The following QSER1 variants were observed in gnomAD, a reference collection of about 807,000 sequenced individuals.
The protein encoded by QSER1 is glutamine and serine rich 1.
A neutral mutation model predicts 158.5 loss-of-function variants in QSER1; 49 were observed. The observed-to-expected ratio is 0.31, with a 90% CI of 0.25 to 0.39. QSER1 has a LOEUF of 0.39. Ranked by LOEUF, QSER1 falls within the 10% of genes least tolerant of loss-of-function variation. The pLI is 1.00. For synonymous variants in QSER1, 650 were observed against 715.5 expected, an observed-to-expected ratio of 0.91 and a Z score of 1.46; for missense variants, 1,754 against 2,010.3, an observed-to-expected ratio of 0.87 and a Z score of 2.44.
intron 1 of QSER1, among the ~76,000 whole-genome samples, chr11:32,898,312 C>G (rs1333027463): frequency 6.6e-6 from 1 of 152,148 alleles, no homozygotes; most frequent in African/African-American, 2.4e-5. Context: ...GAAACCCTAT[C>G]TCTACAAAAA....
chr11:32,923,710 C>CTG (rs1590725007), intron 1 of QSER1, among the ~76,000 whole-genome samples: 1 of 151,484 alleles, frequency 6.6e-6, no homozygotes, highest in East Asian at 1.9e-4. Context: ...TGGCTCACAC[C>CTG]TGTAATCCCA....
At chr11:32,898,655 C>T (rs1207434265) in intron 1 of QSER1, among the ~76,000 whole-genome samples, 1 of 152,126 alleles carries the variant, frequency 6.6e-6, no homozygotes, top group African/African-American at 2.4e-5. Context: ...GGTATGAACA[C>T]AGCTTACTGC....
At position 32,907,682 on chromosome 11, in the gene QSER1, T is replaced by G. The variant is rs559696291; in HGVS notation, c.209+14348T>G. Reference sequence around the variant, plus strand: ...ATTCCTTTGTAGCCAAAATAAGAGATAACCATCCAGGGCCCATATAACCAC... The same window carrying G: ...ATTCCTTTGTAGCCAAAATAAGAGAGAACCATCCAGGGCCCATATAACCAC... On this transcript the variant is annotated intron_variant, in intron 1 of 12. Coordinates refer to ENST00000650167, the MANE Select transcript of QSER1 (RefSeq NM_001076786.3). 2.0e-5 allele frequency among the ~76,000 whole-genome samples: 3 copies of G among 152,340 alleles called. No individual in the cohort carries two copies. The South Asian group carries it at 6.2e-4, about 32-fold the overall frequency.
At chr11:32,906,711 C>CCAA (rs968455579) in intron 1 of QSER1, among the ~76,000 whole-genome samples, 1 of 152,070 alleles carries the variant, frequency 6.6e-6, no homozygotes, top group Non-Finnish European at 1.5e-5. Flanking sequence ...CTGCGCCTGG[C>CCAA]CAACAACAAC....
At chr11:32,909,153 C>T (rs1234014914) in intron 1 of QSER1, among the ~76,000 whole-genome samples, 1 of 152,122 alleles carries the variant, frequency 6.6e-6, no homozygotes, top group Non-Finnish European at 1.5e-5. Context: ...GGCAAGACTC[C>T]ATCTCAAAAA....
intron 1 of QSER1, among the ~76,000 whole-genome samples, chr11:32,898,482 T>TCTCA (rs923127515): frequency 7.7e-5 from 11 of 143,052 alleles, no homozygotes; most frequent in East Asian, 2.1e-4. Flanking sequence ...TGAGAACCTG[T>TCTCA]CACACACACA....
intron 10 of QSER1, among the ~76,000 whole-genome samples, chr11:32,971,337 T>G (rs1246696084): frequency 6.6e-6 from 1 of 152,252 alleles, no homozygotes; most frequent in East Asian, 1.9e-4. Flanking sequence ...TTAGTGTGCT[T>G]TCCTATGTTG....
chr11:32,896,471 C>T (rs1851557076), intron 1 of QSER1, among the ~76,000 whole-genome samples: 1 of 152,154 alleles, frequency 6.6e-6, no homozygotes. Flanking sequence ...TCTCCTGCCT[C>T]AGCCTCCTGA....
chr11:32,974,832 T>C (rs917302895), intron 11 of QSER1, among the ~76,000 whole-genome samples: 5 of 152,170 alleles, frequency 3.3e-5, no homozygotes, highest in African/African-American at 1.2e-4. Context: ...CTAGACAATA[T>C]GTATAGTGTG....
At chr11:32,931,535 G>GTCTCC (rs1564933189) in intron 3 of QSER1, among the ~76,000 whole-genome samples, 2 of 151,300 alleles carry the variant, frequency 1.3e-5, no homozygotes, top group African/African-American at 4.9e-5. Flanking sequence ...AACAGAGTAA[G>GTCTCC]ACCCTGTCTC....
At chr11:32,952,156 TA>T (rs1225515898) in intron 4 of QSER1, among the ~76,000 whole-genome samples, 1 of 152,196 alleles carries the variant, frequency 6.6e-6, no homozygotes, top group Non-Finnish European at 1.5e-5. Context: ...ATTTTCTATA[TA>T]CAAGATCATA....
Position 32,979,774 on chromosome 11 carries a change from A to C in QSER1, c.*3300A>C, listed in dbSNP as rs1422008230. ...TTTTCTTTAAAGCAGCTATATCCCA[A>C]CCCATGACTTTGGAGATATACCTAT... On this transcript the variant is annotated 3_prime_UTR_variant, in exon 13 of 13. Coordinates refer to ENST00000650167, the MANE Select transcript of QSER1 (RefSeq NM_001076786.3). 1 of 152,142 alleles carries C rather than the reference A, an allele frequency of 6.6e-6. No homozygotes were observed. The highest frequency in any genetic ancestry group is 2.4e-5 in the African/African-American group (1 of 41,408). 9.4% of individuals were successfully genotyped at this position (152,142 alleles called of 1,614,324 possible). A position where few individuals can be genotyped will look rare whatever the true frequency, so the allele number is the denominator to read the frequency against.
chr11:32,933,051 C>T lies in QSER1; in HGVS notation c.1793C>T (p.Thr598Ile). 1 of 1,613,264 alleles carries T rather than the reference C, an allele frequency of 6.2e-7. No individual in the cohort carries two copies. Reference sequence around the variant, plus strand: ...GCTTCAGGGGAGTCCCTAACATTAACAGCCCCTTCTCTTTCTTATTCTTCT... The same window carrying T: ...GCTTCAGGGGAGTCCCTAACATTAATAGCCCCTTCTCTTTCTTATTCTTCT... ...SYASGESLTL[T>I]APSLSYSSAS... The change falls in exon 4 of 13, where the codon ACA becomes ATA. Residue 598 changes from threonine to isoleucine, a missense_variant. Physicochemically the swap from Thr to Ile is moderately conservative, Grantham distance 89. Around this residue, in one of 2 missense-constraint regions of QSER1, gnomAD observed 1,707 missense variants for 1,919.6 expected, o/e 0.89. Transcript: ENST00000650167.
chr11:32,908,665 CTT>C (rs1342505884), intron 1 of QSER1, among the ~76,000 whole-genome samples: 1 of 152,150 alleles, frequency 6.6e-6, no homozygotes, highest in Non-Finnish European at 1.5e-5. Context: ...TATCCGAACT[CTT>C]TTGATGGACA....
At chr11:32,936,226 C>A (rs1476659241) in intron 4 of QSER1, among the ~76,000 whole-genome samples, 4 of 147,116 alleles carry the variant, frequency 2.7e-5, no homozygotes, top group African/African-American at 5.0e-5. Context: ...GTGTGATGTT[C>A]CCCTTCCTGT....
Position 32,935,095 on chromosome 11 carries a change from T to G in QSER1, c.3837T>G (p.Ile1279Met), listed in dbSNP as rs1231566471. The change falls in exon 4 of 13, where the codon ATT (isoleucine) becomes ATG (methionine). Residue 1279 changes from isoleucine (I) to methionine (M), a missense_variant. This residue lies in a region of QSER1 where 1,707 missense variants were observed against 1,919.6 expected (regional missense o/e 0.89). Transcript: ENST00000650167. ...EKQPEVKTGF[I>M]ASFLDFLKSG... The stretch of plus-strand genomic sequence containing the variant: ...AACCAGAAGTCAAAACAGGATTTAT[T>G]GCTTCTTTCTTAGATTTTCTGAAAT... The G allele has an allele frequency of 6.2e-7, 1 of 1,613,964 alleles. No individual in the cohort carries two copies. Among genetic ancestry groups the G allele is most frequent in the Non-Finnish European group, 8.5e-7 (1 of 1,180,000 alleles).
intron 1 of QSER1, among the ~76,000 whole-genome samples, chr11:32,916,047 A>G (rs900067942): frequency 6.6e-6 from 1 of 152,000 alleles, no homozygotes; most frequent in Admixed American, 6.6e-5. Context: ...GATTACAGGC[A>G]TGCGCCACCA....
At chr11:32,958,250 A>C (rs1450393962) in intron 8 of QSER1, among the ~76,000 whole-genome samples, 164 bp downstream of exon 8, 1 of 152,270 alleles carries the variant, frequency 6.6e-6, no homozygotes, top group Non-Finnish European at 1.5e-5. Flanking sequence ...TTCCCTGAAC[A>C]TACCAACTGA....
chr11:32,935,673 G>A (rs1425517685), intron 4 of QSER1, among the ~76,000 whole-genome samples: 1 of 152,212 alleles, frequency 6.6e-6, no homozygotes, highest in Non-Finnish European at 1.5e-5. Context: ...AGCATAATCT[G>A]TACAGTATGC....
Sources: allele counts gnomAD v4.1 joint callset (sites outside exome capture counted in the v4.1 genomes callset), GRCh38; gene constraint gnomAD v4.1.1; regional missense constraint gnomAD v4.1.1; transcripts MANE v1.5; gene names NCBI Gene and HGNC (gene_info 2026-07-23, HGNC 2026-07-21).